Variants in KIF5B observed in about 807,000 individuals in gnomAD.
KIF5B encodes the protein kinesin-1 heavy chain.
Under a neutral mutation model 132.8 loss-of-function variants are expected in KIF5B, and 49 were observed. The ratio of observed to expected loss-of-function variants is 0.37; its 90% CI spans 0.29 to 0.47. The LOEUF (loss-of-function observed/expected upper bound fraction) is 0.47. Among genes scored for constraint, KIF5B ranks in the 20% least tolerant of loss-of-function variants. The pLI is 1.00. For synonymous variants in KIF5B, 355 were observed against 369.4 expected, an observed-to-expected ratio of 0.96 and a Z score of 0.45; for missense variants, 780 against 1,144.0, an observed-to-expected ratio of 0.68 and a Z score of 4.59.
chr10:32,034,111 A>ATTT, intron 11 of KIF5B, 73 bp from the exon 12 acceptor site: 20 of 695,576 alleles, frequency 2.9e-5, no homozygotes, highest in Admixed American at 3.7e-5. Context: ...TCCTTTAAAA[A>ATTT]TTTTTTTTTT....
At chr10:32,052,449 G>C (rs535450575) in intron 1 of KIF5B, among the ~76,000 whole-genome samples, 51 of 152,278 alleles carry the variant, frequency 3.3e-4, no homozygotes, top group African/African-American at 1.2e-3. Flanking sequence ...TAATTTCTCG[G>C]AACTACCACA....
rs1841757830 is a variant in KIF5B, at chr10:32,056,001, G to A, written c.-28C>T. 2.5e-6 allele frequency: 4 copies of A among 1,599,414 alleles called. No homozygotes were observed. Among genetic ancestry groups the A allele is most frequent in the Non-Finnish European group, 3.4e-6 (4 of 1,179,506 alleles). On this transcript the variant is annotated 5_prime_UTR_variant, in exon 1 of 26. Transcript: ENST00000302418. ...TTCTCGCAGCCGGGGCCGGCGGCCG[G>A]GAGCCACTCCCCGCCGCTCAGTCTT...
chr10:32,040,301 T>G, intron 3 of KIF5B, 83 bp downstream of exon 3: 1 of 829,738 alleles, frequency 1.2e-6, no homozygotes, highest in South Asian at 1.4e-5. Context: ...ATTAAAATGT[T>G]TATGCATGGT....
In KIF5B at chr10:32,056,193, G is replaced by C; in HGVS notation, c.-220C>G. Reference sequence around the variant, plus strand: ...TAATGCTCACTTCCGATCCATCATGGCAGCCATGGCGGCGGCAGCGGCGGC... The same window carrying C: ...TAATGCTCACTTCCGATCCATCATGCCAGCCATGGCGGCGGCAGCGGCGGC... On this transcript the variant is annotated 5_prime_UTR_variant, in exon 1 of 26. Transcript: ENST00000302418. 1 of 528,774 alleles carries C rather than the reference G, an allele frequency of 1.9e-6. No homozygotes were observed. Among genetic ancestry groups the C allele is most frequent in the South Asian group, 2.4e-5 (1 of 41,716 alleles). 32.8% of individuals were successfully genotyped at this position (528,774 alleles called of 1,614,324 possible). A position where few individuals can be genotyped will look rare whatever the true frequency, so the allele number is the denominator to read the frequency against.
At chr10:32,052,633 T>A (rs1330048763) in intron 1 of KIF5B, among the ~76,000 whole-genome samples, 2 of 152,218 alleles carry the variant, frequency 1.3e-5, no homozygotes, top group Non-Finnish European at 2.9e-5. Flanking sequence ...TTTCTACTGA[T>A]TTTTTTCTGG....
In KIF5B at chr10:32,022,186, T is replaced by C. The variant is rs1349146060; in HGVS notation, c.1986A>G (p.Glu662=). Residue 662 remains glutamate, a synonymous_variant, in exon 17 of 26, where the codon GAA becomes GAG. Transcript: ENST00000302418. The part of the protein sequence containing the change: ...NVEQKKRQLE[E]SVDALSEELV... ...GTTCTTCACTGAGGGCATCGACAGA[T>C]TCCTCCAACTGTCTTTTCTTTTGTT... 2 of 1,613,278 alleles carry C rather than the reference T, an allele frequency of 1.2e-6. No homozygotes were observed. The highest frequency in any genetic ancestry group is 2.2e-5 in the East Asian group (1 of 44,852).
chr10:32,013,597 T>C (rs879097640), intron 25 of KIF5B, among the ~76,000 whole-genome samples: 2 of 152,138 alleles, frequency 1.3e-5, no homozygotes, highest in Admixed American at 6.5e-5. Flanking sequence ...CTGTACAGGA[T>C]AGTGAAAAAG....
chr10:32,050,800 G>A (rs145483346), intron 1 of KIF5B, among the ~76,000 whole-genome samples: 130 of 152,242 alleles, frequency 8.5e-4, no homozygotes, highest in African/African-American at 3.0e-3. Flanking sequence ...CAATTCTACA[G>A]GTGTGACTAA....
intron 1 of KIF5B, among the ~76,000 whole-genome samples, chr10:32,055,518 G>GCACACACACA (rs61091883): frequency 2.0e-5 from 3 of 150,022 alleles, no homozygotes; most frequent in African/African-American, 7.3e-5. Flanking sequence ...ATCCGTAATT[G>GCACACACACA]CACACACACA....
At chr10:32,011,699 T>C (rs1278104229) in intron 25 of KIF5B, among the ~76,000 whole-genome samples, 183 bp from the exon 26 acceptor site, 1 of 152,188 alleles carries the variant, frequency 6.6e-6, no homozygotes, top group Non-Finnish European at 1.5e-5. Context: ...TTGGTTTCCT[T>C]TTATATACTA....
At chr10:32,055,730 G>A (rs1372971068) in intron 1 of KIF5B, 118 bp downstream of exon 1, 2 of 1,349,900 alleles carry the variant, frequency 1.5e-6, no homozygotes, top group East Asian at 2.5e-5. Flanking sequence ...AAACCCCGCC[G>A]GGGAGGGCTG....
chr10:32,028,161 G>A (rs542337052), intron 15 of KIF5B, among the ~76,000 whole-genome samples: 4 of 152,096 alleles, frequency 2.6e-5, no homozygotes, highest in South Asian at 2.1e-4. Context: ...ACAGGGTTTC[G>A]CCACATTGCC....
At position 32,022,209 on chromosome 10, in the gene KIF5B, G is replaced by C; in HGVS notation, c.1963C>G (p.Gln655Glu). Residue 655 changes from glutamine (Q) to glutamate (E), a missense_variant, in exon 17 of 26, where the codon CAA (glutamine) becomes GAA (glutamate). Physicochemically the swap from Gln to Glu is conservative, Grantham distance 29 (BLOSUM62 2). Around this residue, in one of 9 missense-constraint regions of KIF5B, gnomAD observed 471 missense variants for 569.9 expected, o/e 0.83. Transcript: ENST00000302418. ...GATTCCTCCAACTGTCTTTTCTTTT[G>C]TTCCACATTTTGAAGGTATTCAGTC... ...SLTEYLQNVE[Q>E]KKRQLEESVD... 6.2e-7 allele frequency: 1 copy of C among 1,613,314 alleles called. No individual in the cohort carries two copies. The highest frequency in any genetic ancestry group is 2.2e-5 in the East Asian group (1 of 44,840).
intron 25 of KIF5B, among the ~76,000 whole-genome samples, chr10:32,014,951 C>T (rs1299819927): frequency 6.6e-6 from 1 of 151,842 alleles, no homozygotes; most frequent in Non-Finnish European, 1.5e-5. Context: ...GGTGAAACCC[C>T]TCGTCTCTAC....
In KIF5B at chr10:32,056,396, C is replaced by G. The variant is rs955753079; in HGVS notation, c.-423G>C. On this transcript the variant is annotated 5_prime_UTR_variant, in exon 1 of 26. Coordinates refer to ENST00000302418, the MANE Select transcript of KIF5B (RefSeq NM_004521.3). ...GTCCGCTGGCCGGCCGACTGCTGCC[C>G]GATCACTCCTGAGGCCGCCGTTGGG... 6.4e-5 allele frequency: 14 copies of G among 220,022 alleles called. No homozygotes were observed. Among genetic ancestry groups the G allele is most frequent in the South Asian group, 1.6e-4 (3 of 19,320 alleles). 13.6% of individuals were successfully genotyped at this position (220,022 alleles called of 1,614,324 possible).
intron 25 of KIF5B, among the ~76,000 whole-genome samples, chr10:32,014,879 T>G (rs1841137160): frequency 1.3e-5 from 2 of 152,176 alleles, no homozygotes; most frequent in South Asian, 4.1e-4. Context: ...TTCCAGCACT[T>G]TGGGAGGCCG....
chr10:32,056,167 C>T lies in KIF5B; in HGVS notation c.-194G>A, dbSNP rs1841760779. On this transcript the variant is annotated 5_prime_UTR_variant, in exon 1 of 26. Coordinates refer to ENST00000302418, the MANE Select transcript of KIF5B (RefSeq NM_004521.3). ...GAGCCGGCGCCGGCAGCCGTTAACCCTAATGCTCACTTCCGATCCATCATG... is the reference window on the plus strand; with the variant it reads ...GAGCCGGCGCCGGCAGCCGTTAACCTTAATGCTCACTTCCGATCCATCATG... 5.0e-6 allele frequency: 3 copies of T among 602,146 alleles called. No homozygotes were observed. Among genetic ancestry groups the T allele is most frequent in the African/African-American group, 3.9e-5 (2 of 51,066 alleles). The allele number at this position is 602,146 out of a possible 1,614,324, so 37.3% of individuals were successfully genotyped here.
At position 32,017,270 on chromosome 10, in the gene KIF5B, T is replaced by C. The variant is rs762852206; in HGVS notation, c.2634A>G (p.Glu878=). The C allele has an allele frequency of 1.2e-6, 2 of 1,614,216 alleles. No individual in the cohort carries two copies. Among genetic ancestry groups the C allele is most frequent in the Middle Eastern group, 1.6e-4 (1 of 6,062 alleles). Residue 878 remains glutamate (E), a synonymous_variant, in exon 24 of 26, where the codon GAA becomes GAG. Transcript: ENST00000302418. ...RATAERVKAL[E]SALKEAKENA... ...TTTCTTTAGCTTCTTTCAGTGCTGA[T>C]TCCAAAGCTTTCACTCTCTCAGCTG...
At chr10:32,044,702 A>G (rs1283792106) in intron 2 of KIF5B, among the ~76,000 whole-genome samples, 1 of 152,072 alleles carries the variant, frequency 6.6e-6, no homozygotes, top group Non-Finnish European at 1.5e-5. Flanking sequence ...AAAGAAGACA[A>G]CGACAGAGGA....
Sources: allele counts gnomAD v4.1 joint callset (sites outside exome capture counted in the v4.1 genomes callset), GRCh38; gene constraint gnomAD v4.1.1; regional missense constraint gnomAD v4.1.1; transcripts MANE v1.5; gene names NCBI Gene and HGNC (gene_info 2026-07-23, HGNC 2026-07-21).